The following FAM178B variants were observed in gnomAD, a reference collection of about 807,000 sequenced individuals.
FAM178B encodes family with sequence similarity 178 member B.
Under a neutral mutation model 91.7 loss-of-function variants are expected in FAM178B, and 82 were observed. The ratio of observed to expected loss-of-function variants is 0.89; its 90% CI spans 0.75 to 1.07. FAM178B has a LOEUF of 1.07. Ranked by LOEUF, FAM178B falls within the 50% of genes least tolerant of loss-of-function variation. The pLI, the probability that FAM178B is intolerant of heterozygous loss-of-function variation, is 0.00. For missense variants in FAM178B, 769 were observed against 846.7 expected, an observed-to-expected ratio of 0.91 and a Z score of 1.14; for synonymous variants, 368 against 359.4, an observed-to-expected ratio of 1.02 and a Z score of -0.27.
At chr2:96,889,062 G>A (rs1342330172) in intron 14 of FAM178B, among the ~76,000 whole-genome samples, 2 of 152,196 alleles carry the variant, frequency 1.3e-5, no homozygotes, top group African/African-American at 4.8e-5. Flanking sequence ...TGCCCCCGCA[G>A]GGACCATAAC....
At position 96,931,766 on chromosome 2, in the gene FAM178B, C is replaced by T. The variant is rs367682539; in HGVS notation, c.1079-2446G>A. ...CCAAGGACATTTCTTCGGCAGGCATCGAGTATCCCTCTTTGGAAATGTATA... is the reference window on the plus strand; with the variant it reads ...CCAAGGACATTTCTTCGGCAGGCATTGAGTATCCCTCTTTGGAAATGTATA... On this transcript the variant is annotated intron_variant, in intron 8 of 16. Transcript: ENST00000490605. Among the ~76,000 whole-genome samples the T allele has an allele frequency of 8.5e-5, 13 of 152,054 alleles. No individual in the cohort carries two copies. In the East Asian group the frequency reaches 9.7e-4, roughly 11 times the overall value.
chr2:96,924,064 G>A (rs2081392913), intron 9 of FAM178B, among the ~76,000 whole-genome samples: 2 of 152,182 alleles, frequency 1.3e-5, no homozygotes, highest in South Asian at 4.1e-4. Flanking sequence ...ACTTGGTGTA[G>A]GAGGAGGCTA....
chr2:96,952,388 C>T (rs1316658805), intron 6 of FAM178B, among the ~76,000 whole-genome samples: 1 of 152,084 alleles, frequency 6.6e-6, no homozygotes, highest in African/African-American at 2.4e-5. Context: ...TCCCAGATTC[C>T]AGGGATGGGG....
intron 12 of FAM178B, among the ~76,000 whole-genome samples, chr2:96,908,810 C>T (rs568612134): frequency 6.6e-6 from 1 of 152,224 alleles, no homozygotes; most frequent in Admixed American, 6.5e-5. Context: ...TCTCATCTCC[C>T]TCTTTGTATG....
At chr2:96,913,003 G>T (rs1427247006) in intron 12 of FAM178B, among the ~76,000 whole-genome samples, 4 of 152,230 alleles carry the variant, frequency 2.6e-5, no homozygotes, top group Non-Finnish European at 4.4e-5. Context: ...GGGAGATGTG[G>T]GTGGAGACAG....
chr2:96,974,710 C>G (rs975546372), intron 1 of FAM178B, among the ~76,000 whole-genome samples: 4 of 152,028 alleles, frequency 2.6e-5, no homozygotes, highest in African/African-American at 9.7e-5. Flanking sequence ...GGTAGTTACA[C>G]TAATAACAGA....
chr2:96,914,003 T>TC (rs2081201376), intron 12 of FAM178B, among the ~76,000 whole-genome samples: 1 of 152,162 alleles, frequency 6.6e-6, no homozygotes, highest in Non-Finnish European at 1.5e-5. Flanking sequence ...CAGGAAGAGA[T>TC]CAGAAGAGAG....
chr2:96,899,096 G>A lies in FAM178B; in HGVS notation c.1650+3524C>T, dbSNP rs1262574441. Among the ~76,000 whole-genome samples, 3 of 152,236 alleles carry A rather than the reference G, an allele frequency of 2.0e-5. No individual in the cohort carries two copies. The East Asian group carries it at 5.8e-4, about 29-fold the overall frequency. On this transcript the variant is annotated intron_variant, in intron 13 of 16. Coordinates refer to ENST00000490605, the MANE Select transcript of FAM178B (RefSeq NM_001122646.3). ...CTGAAGACCTGGGAGGAGGCTGTGA[G>A]CAGCCCTGGGCTTGCAGTGGAGATG...
intron 6 of FAM178B, among the ~76,000 whole-genome samples, chr2:96,955,131 C>T (rs1384411695): frequency 6.6e-6 from 1 of 152,154 alleles, no homozygotes; most frequent in Non-Finnish European, 1.5e-5. Context: ...TTTGGGAGGC[C>T]AAGGCAGGTG....
At chr2:96,931,476 AAATGTGGAAGGTGG>A (rs1211073016) in intron 8 of FAM178B, among the ~76,000 whole-genome samples, 2 of 152,170 alleles carry the variant, frequency 1.3e-5, no homozygotes, top group Non-Finnish European at 2.9e-5. Flanking sequence ...AAGGAATATG[AAATGTGGAAGGTGG>A]AATGGGAATG....
intron 8 of FAM178B, among the ~76,000 whole-genome samples, chr2:96,932,560 C>T (rs1467912556): frequency 6.6e-6 from 1 of 152,204 alleles, no homozygotes; most frequent in Non-Finnish European, 1.5e-5. Flanking sequence ...TGCCAGGCTC[C>T]AGCTCCCCAA....
intron 12 of FAM178B, among the ~76,000 whole-genome samples, chr2:96,904,207 G>GCAA (rs1179705726): frequency 5.3e-5 from 8 of 152,202 alleles, no homozygotes; most frequent in Non-Finnish European, 8.8e-5. Flanking sequence ...AGCAGCAGCA[G>GCAA]CAACAGCACA....
At chr2:96,905,967 G>A (rs1423859456) in intron 12 of FAM178B, among the ~76,000 whole-genome samples, 8 of 143,434 alleles carry the variant, frequency 5.6e-5, no homozygotes, top group Non-Finnish European at 9.0e-5. Context: ...TGCCTCCTCG[G>A]TTCAAGCGAT....
intron 1 of FAM178B, among the ~76,000 whole-genome samples, chr2:96,973,730 G>T (rs1574321478): frequency 1.3e-5 from 2 of 152,304 alleles, no homozygotes; most frequent in African/African-American, 4.8e-5. Context: ...GCTGGGTGCG[G>T]TGGCTCACAT....
chr2:96,922,037 C>T (rs1200971345), intron 10 of FAM178B, among the ~76,000 whole-genome samples: 1 of 152,066 alleles, frequency 6.6e-6, no homozygotes, highest in Admixed American at 6.6e-5. Context: ...TGGCCAGATA[C>T]CACCAAAACC....
chr2:96,956,368 T>TC (rs1042699392), intron 6 of FAM178B, among the ~76,000 whole-genome samples: 28 of 152,268 alleles, frequency 1.8e-4, no homozygotes, highest in African/African-American at 6.3e-4. Context: ...CCACATGCAC[T>TC]CCCAAGGCAG....
chr2:96,927,625 G>A (rs2081464967), intron 9 of FAM178B, among the ~76,000 whole-genome samples: 1 of 152,174 alleles, frequency 6.6e-6, no homozygotes, highest in Admixed American at 6.5e-5. Context: ...TGTTTAAAGG[G>A]CCACAGTTCT....
intron 16 of FAM178B, 170 bp downstream of exon 16, chr2:96,877,720 T>A (rs1357806560): frequency 1.6e-6 from 1 of 642,394 alleles, no homozygotes; most frequent in Non-Finnish European, 2.7e-6. Context: ...TTGATAAGAA[T>A]GATGAAGGCC....
intron 7 of FAM178B, chr2:96,949,967 C>A: frequency 1.0e-6 from 1 of 985,550 alleles, no homozygotes; most frequent in Non-Finnish European, 1.2e-6. Context: ...AGAACTCACA[C>A]CAAGTCTGTC....
Sources: allele counts gnomAD v4.1 joint callset (sites outside exome capture counted in the v4.1 genomes callset), GRCh38; gene constraint gnomAD v4.1.1; transcripts MANE v1.5; gene names NCBI Gene and HGNC (gene_info 2026-07-23, HGNC 2026-07-21).